LYST: variants seen among roughly 807,000 people sequenced by gnomAD.
The protein encoded by LYST is lysosomal-trafficking regulator.
Under a neutral mutation model 413.6 loss-of-function variants are expected in LYST, and 192 were observed. The observed-to-expected ratio is 0.46, with a 90% CI of 0.41 to 0.52. The LOEUF (loss-of-function observed/expected upper bound fraction) is 0.52, where lower values mean the gene tolerates loss of function less well. Among genes scored for constraint, LYST ranks in the 20% least tolerant of loss-of-function variants. The probability of loss-of-function intolerance (pLI) is 0.00; values close to 1 mark genes in which losing one functional copy is unlikely to be tolerated. For missense variants in LYST, 3,815 were observed against 4,499.9 expected, an observed-to-expected ratio of 0.85 and a Z score of 4.35; for synonymous variants, 1,525 against 1,567.3, an observed-to-expected ratio of 0.97 and a Z score of 0.64.
At chr1:235,765,993 T>C in intron 21 of LYST, 86 bp downstream of exon 21, 1 of 1,044,922 alleles carries the variant, frequency 9.6e-7, no homozygotes, top group Non-Finnish European at 1.5e-6. Flanking sequence ...CAGAGGCCAT[T>C]CAAATGTCAA....
At chr1:235,777,851 T>A (rs575570513) in intron 16 of LYST, among the ~76,000 whole-genome samples, 1 of 152,140 alleles carries the variant, frequency 6.6e-6, no homozygotes, top group South Asian at 2.1e-4. Context: ...CAAAGGATAG[T>A]TTCCATCAGT....
chr1:235,741,423 T>C lies in LYST; in HGVS notation c.8357A>G (p.Gln2786Arg). 3.7e-6 allele frequency: 6 copies of C among 1,611,672 alleles called. No homozygotes were observed. The highest frequency in any genetic ancestry group is 1.3e-5 in the African/African-American group (1 of 75,004). ...ILRDCLSPSLQHGAKLVLYLS... is the reference protein window; with the variant it reads ...ILRDCLSPSLRHGAKLVLYLS... ...TCTTATCAAAGCTGAGATACTTACT[T>C]GTAGGGATGGGCTGAGACAGTCTCG... The change falls in exon 31 of 53, where the codon CAA (glutamine) becomes CGA (arginine). Residue 2786 changes from glutamine (Q) to arginine (R), a missense_variant and splice_region_variant. This residue lies in a region of LYST where 771 missense variants were observed against 837.1 expected (regional missense o/e 0.92). Coordinates refer to ENST00000389793, the MANE Select transcript of LYST (RefSeq NM_000081.4).
chr1:235,706,616 A>G (rs1662009800), intron 44 of LYST, among the ~76,000 whole-genome samples: 1 of 152,124 alleles, frequency 6.6e-6, no homozygotes, highest in Non-Finnish European at 1.5e-5. Context: ...GTTATTTTGC[A>G]GAGGCTCCAG....
At chr1:235,800,185 G>A (rs1309363151) in intron 10 of LYST, 135 bp downstream of exon 10, 2 of 630,274 alleles carry the variant, frequency 3.2e-6, no homozygotes, top group Non-Finnish European at 5.9e-6. Flanking sequence ...AGGCTCAAGT[G>A]ATCCGCCTGC....
chr1:235,827,812 A>G, intron 3 of LYST: 2 of 817,576 alleles, frequency 2.4e-6, no homozygotes, highest in Non-Finnish European at 3.0e-6. Flanking sequence ...CTTAAAATAT[A>G]TCTTATGACT....
At chr1:235,678,651 TTTATA>T (rs1659572779) in intron 48 of LYST, among the ~76,000 whole-genome samples, 1 of 152,182 alleles carries the variant, frequency 6.6e-6, no homozygotes. Flanking sequence ...ATCTTAACAT[TTTATA>T]TTATCAATTT....
chr1:235,827,829 A>T (rs917746264), intron 3 of LYST: 1 of 808,822 alleles, frequency 1.2e-6, no homozygotes, highest in African/African-American at 1.9e-5. Flanking sequence ...GACTTAAAAG[A>T]GAAAGTATTC....
At chr1:235,828,262 G>A (rs1345290666) in intron 3 of LYST, 2 of 544,556 alleles carry the variant, frequency 3.7e-6, no homozygotes, top group African/African-American at 4.1e-5. Context: ...TTGCTTAGGG[G>A]TAGGGGAATG....
chr1:235,685,737 T>A (rs1379109808), intron 48 of LYST, among the ~76,000 whole-genome samples: 1 of 151,168 alleles, frequency 6.6e-6, no homozygotes, highest in Non-Finnish European at 1.5e-5. Context: ...TCCCAACTAC[T>A]CAGGAGGCTG....
At chr1:235,729,699 AC>A in intron 36 of LYST, 42 bp from the exon 37 acceptor site, 1 of 1,381,842 alleles carries the variant, frequency 7.2e-7, no homozygotes, top group Non-Finnish European at 1.0e-6. Context: ...AAATGTTCTG[AC>A]CAATTTCAGA....
chr1:235,733,804 T>C, intron 33 of LYST, 26 bp downstream of exon 33: 17 of 1,544,882 alleles, frequency 1.1e-5, no homozygotes, highest in Non-Finnish European at 1.5e-5. Flanking sequence ...CTAAAATACA[T>C]GCCTTTGGAA....
intron 49 of LYST, 27 bp downstream of exon 49, chr1:235,677,453 G>C: frequency 6.2e-7 from 1 of 1,610,920 alleles, no homozygotes; most frequent in Non-Finnish European, 8.5e-7. Flanking sequence ...AAAATGCTAT[G>C]TTTGATTTGG....
rs886046154 is a variant in LYST at position 235,661,079 on chromosome 1, G to A, written c.*1861C>T. 1.3e-5 allele frequency: 2 copies of A among 152,650 alleles called. No individual in the cohort carries two copies. Among genetic ancestry groups the A allele is most frequent in the South Asian group, 2.1e-4 (1 of 4,824 alleles). The allele number at this position is 152,650 out of a possible 1,614,324, so 9.5% of individuals were successfully genotyped here. A position where few individuals can be genotyped will look rare whatever the true frequency, so the allele number is the denominator to read the frequency against. ...TTTATTTCCAAATTGAAGAGGCAGT[G>A]TATATAAAGGTAACAGAGCTTGTGA... On this transcript the variant is annotated 3_prime_UTR_variant, in exon 53 of 53. Transcript: ENST00000389793.
At chr1:235,823,677 G>A (rs955533252) in intron 3 of LYST, among the ~76,000 whole-genome samples, 1 of 152,220 alleles carries the variant, frequency 6.6e-6, no homozygotes, top group Non-Finnish European at 1.5e-5. Context: ...ACTACTTGTA[G>A]TTCATTGAAT....
At position 235,733,563 on chromosome 1, in the gene LYST, T is replaced by C; in HGVS notation, c.8741A>G (p.Lys2914Arg). 1 of 1,613,978 alleles carries C rather than the reference T, an allele frequency of 6.2e-7. No individual in the cohort carries two copies. Among genetic ancestry groups the C allele is most frequent in the East Asian group, 2.2e-5 (1 of 44,850 alleles). ...KVIQHIRGMY[K>R]VDLSASRHWQ... Reference sequence around the variant, plus strand: ...ATGTCTGCTGGCACTCAAATCTACTTTATACATTCCTCTAATATGCTGGAT... The same window carrying C: ...ATGTCTGCTGGCACTCAAATCTACTCTATACATTCCTCTAATATGCTGGAT... Residue 2914 changes from lysine (K) to arginine (R), a missense_variant, in exon 34 of 53, where the codon AAA becomes AGA. Physicochemically the swap from Lys to Arg is conservative, Grantham distance 26. Around this residue, in one of 4 missense-constraint regions of LYST, gnomAD observed 866 missense variants for 1,156.0 expected, o/e 0.75. Transcript: ENST00000389793.
intron 15 of LYST, among the ~76,000 whole-genome samples, chr1:235,781,532 T>C (rs1032266782): frequency 3.9e-5 from 6 of 152,118 alleles, no homozygotes; most frequent in African/African-American, 1.2e-4. Context: ...AATTTGATAT[T>C]TGTATAAGAT....
chr1:235,799,745 A>T (rs1671986445), intron 10 of LYST, among the ~76,000 whole-genome samples: 1 of 152,082 alleles, frequency 6.6e-6, no homozygotes, highest in South Asian at 2.1e-4. Context: ...ACTGGGTTAC[A>T]GTCCCCACTA....
chr1:235,843,988 G>A (rs928089562), intron 1 of LYST, among the ~76,000 whole-genome samples: 3 of 152,060 alleles, frequency 2.0e-5, no homozygotes, highest in Non-Finnish European at 4.4e-5. Context: ...TTTCAAAAAT[G>A]TTATGTGCCA....
chr1:235,883,706 C>T (rs1355807041), upstream of LYST: 1 of 152,264 alleles, frequency 6.6e-6, no homozygotes, highest in Non-Finnish European at 1.5e-5. Context: ...GTGGCCCTCT[C>T]TCCCTCTGGC....
Sources: allele counts gnomAD v4.1 joint callset (sites outside exome capture counted in the v4.1 genomes callset), GRCh38; gene constraint gnomAD v4.1.1; regional missense constraint gnomAD v4.1.1; transcripts MANE v1.5; gene names NCBI Gene and HGNC (gene_info 2026-07-23, HGNC 2026-07-21).